The following GRM7 variants were observed in gnomAD, a reference collection of about 807,000 sequenced individuals.
GRM7 encodes metabotropic glutamate receptor 7.
In GRM7, 35 loss-of-function variants were observed where a neutral mutation model predicts 84.5. That is an observed-to-expected ratio of 0.41 (90% CI 0.32 to 0.55). The LOEUF is 0.55. Among genes scored for constraint, GRM7 ranks in the 20% least tolerant of loss-of-function variants. GRM7 has a pLI of 0.19. For missense variants in GRM7, 1,003 were observed against 1,194.6 expected (o/e 0.84, Z 2.36); for synonymous variants, 487 against 455.1 (o/e 1.07, Z -0.89).
intron 8 of GRM7, among the ~76,000 whole-genome samples, chr3:7,599,745 G>A (rs1040009590): frequency 5.9e-5 from 9 of 152,102 alleles, no homozygotes; most frequent in African/African-American, 2.2e-4. Context: ...TGAAAATCAG[G>A]TGGCTTAATG....
chr3:7,024,074 C>T (rs536510473), intron 1 of GRM7, among the ~76,000 whole-genome samples: 19 of 152,248 alleles, frequency 1.2e-4, no homozygotes, highest in South Asian at 6.2e-4. Context: ...CAAGTGGCTC[C>T]GGTAACTTCT....
At chr3:7,429,832 A>T (rs1371090878) in intron 5 of GRM7, among the ~76,000 whole-genome samples, 1 of 152,228 alleles carries the variant, frequency 6.6e-6, no homozygotes, top group African/African-American at 2.4e-5. Context: ...AGCAATGCCT[A>T]ATTTTTCCTT....
chr3:7,364,810 G>A (rs928257294), intron 4 of GRM7, among the ~76,000 whole-genome samples: 2 of 151,602 alleles, frequency 1.3e-5, no homozygotes, highest in African/African-American at 2.4e-5. Flanking sequence ...CTTATAAATC[G>A]CTTACTATTT....
intron 9 of GRM7, among the ~76,000 whole-genome samples, chr3:7,715,399 G>C (rs976265577): frequency 1.3e-5 from 2 of 152,158 alleles, no homozygotes; most frequent in Non-Finnish European, 2.9e-5. Flanking sequence ...CTTGAACCCA[G>C]GAGTTCAAGG....
intron 8 of GRM7, among the ~76,000 whole-genome samples, chr3:7,626,222 C>G (rs3804867): frequency 6.6e-6 from 1 of 151,966 alleles, no homozygotes; most frequent in Non-Finnish European, 1.5e-5. Context: ...ACTTTGACAA[C>G]GTGGCTCACT....
intron 1 of GRM7, among the ~76,000 whole-genome samples, chr3:7,104,862 G>A (rs1463715709): frequency 6.6e-6 from 1 of 151,778 alleles, no homozygotes; most frequent in Non-Finnish European, 1.5e-5. Flanking sequence ...AAGATTCAAA[G>A]TCATGTCTCT....
At chr3:7,538,078 T>G (rs895432553) in intron 7 of GRM7, among the ~76,000 whole-genome samples, 4 of 152,176 alleles carry the variant, frequency 2.6e-5, no homozygotes, top group African/African-American at 9.6e-5. Flanking sequence ...ACCAGGAGTT[T>G]CTGCCTAGGT....
intron 2 of GRM7, among the ~76,000 whole-genome samples, chr3:7,237,979 A>G (rs1276389649): frequency 1.3e-5 from 2 of 152,178 alleles, no homozygotes; most frequent in Non-Finnish European, 2.9e-5. Context: ...TGGTGTGTTT[A>G]CAATCCTTTA....
At chr3:7,427,366 AG>A (rs776811970) in intron 5 of GRM7, among the ~76,000 whole-genome samples, 1 of 152,178 alleles carries the variant, frequency 6.6e-6, no homozygotes, top group Non-Finnish European at 1.5e-5. Context: ...TATGTTATGA[AG>A]AATTATTGCA....
At chr3:7,521,417 G>A (rs1248156729) in intron 7 of GRM7, among the ~76,000 whole-genome samples, 1 of 152,210 alleles carries the variant, frequency 6.6e-6, no homozygotes, top group Non-Finnish European at 1.5e-5. Flanking sequence ...AAGCCCCTGT[G>A]AATGTGATTA....
intron 7 of GRM7, among the ~76,000 whole-genome samples, chr3:7,531,947 A>G (rs1701053073): frequency 6.6e-6 from 1 of 152,200 alleles, no homozygotes; most frequent in Non-Finnish European, 1.5e-5. Context: ...GGTTTGTCAT[A>G]AATAGCTCTT....
At chr3:7,470,996 C>T (rs536700158) in intron 7 of GRM7, among the ~76,000 whole-genome samples, 1 of 151,460 alleles carries the variant, frequency 6.6e-6, no homozygotes, top group Non-Finnish European at 1.5e-5. Flanking sequence ...TGAGTCCTGC[C>T]TTTTCTGCTT....
intron 4 of GRM7, among the ~76,000 whole-genome samples, chr3:7,339,429 C>T (rs1214692507): frequency 6.6e-6 from 1 of 152,048 alleles, no homozygotes; most frequent in Non-Finnish European, 1.5e-5. Flanking sequence ...AATGGGCATC[C>T]TATGTTAATT....
chr3:7,291,928 G>A (rs1453972213), intron 2 of GRM7, among the ~76,000 whole-genome samples: 3 of 152,102 alleles, frequency 2.0e-5, no homozygotes, highest in Admixed American at 2.0e-4. Context: ...TTCTCATGGT[G>A]GTGAATAAGT....
chr3:7,716,579 C>T (rs1474856721), intron 9 of GRM7, among the ~76,000 whole-genome samples: 2 of 152,122 alleles, frequency 1.3e-5, no homozygotes, highest in East Asian at 1.9e-4. Flanking sequence ...TGAGTTTTTT[C>T]ATACAGTGTC....
At chr3:6,908,735 C>T (rs1261839102) in intron 1 of GRM7, among the ~76,000 whole-genome samples, 2 of 152,124 alleles carry the variant, frequency 1.3e-5, no homozygotes, top group African/African-American at 4.8e-5. Context: ...TTTGTTGACT[C>T]TATCCCATAA....
intron 4 of GRM7, among the ~76,000 whole-genome samples, chr3:7,311,566 T>C (rs572187489): frequency 6.6e-6 from 1 of 151,852 alleles, no homozygotes; most frequent in South Asian, 2.1e-4. Context: ...ATCTGGGCCG[T>C]CTCAATCTTA....
rs1248589034 is a variant in GRM7 at position 7,415,100 on chromosome 3, A to G, written c.1111A>G (p.Asn371Asp). Residue 371 changes from asparagine to aspartate, a missense_variant, in exon 5 of 10, where the codon AAC becomes GAC. Physicochemically the swap from Asn to Asp is conservative, Grantham distance 23 (BLOSUM62 1). Coordinates refer to ENST00000357716, the MANE Select transcript of GRM7 (RefSeq NM_000844.4). ...ATGGTTTGCCGAATACTGGGAGGAA[A>G]ACTTCAACTGCAAGTTGACGATTAG... ...NVWFAEYWEE[N>D]FNCKLTISGS... is the part of the protein sequence containing the mutation. 1 of 1,612,902 alleles carries G rather than the reference A, an allele frequency of 6.2e-7. No homozygotes were observed. The highest frequency in any genetic ancestry group is 1.3e-5 in the African/African-American group (1 of 74,982).
chr3:7,036,596 A>C (rs1002725626), intron 1 of GRM7, among the ~76,000 whole-genome samples: 6 of 152,328 alleles, frequency 3.9e-5, no homozygotes, highest in Admixed American at 1.3e-4. Flanking sequence ...AGCTACTTTA[A>C]CTGTGAAATT....
Sources: gnomAD v4.1 joint callset for allele counts (sites outside exome capture counted in the v4.1 genomes callset) on GRCh38, gnomAD v4.1.1 for gene constraint, MANE v1.5 for transcripts, NCBI Gene and HGNC (gene_info 2026-07-23, HGNC 2026-07-21) for gene names.